The following TANC1 variants were observed in gnomAD, a reference collection of about 807,000 sequenced individuals.
The protein encoded by TANC1 is tetratricopeptide repeat, ankyrin repeat and coiled-coil containing 1, also known as protein TANC1.
In TANC1, 77 loss-of-function variants were observed where a neutral mutation model predicts 149.7. That is an observed-to-expected ratio of 0.51 (90% confidence interval 0.43 to 0.62). The LOEUF is 0.62. TANC1 is among the 20% of genes least tolerant of loss of function. The probability of loss-of-function intolerance (pLI) is 0.00; values close to 1 mark genes in which losing one functional copy is unlikely to be tolerated. For synonymous variants in TANC1, 854 were observed against 925.0 expected (o/e 0.92, Z 1.39); for missense variants, 1,985 against 2,321.8 (o/e 0.85, Z 2.98).
At chr2:159,094,548 A>G (rs2045884090) in intron 3 of TANC1, among the ~76,000 whole-genome samples, 1 of 152,168 alleles carries the variant, frequency 6.6e-6, no homozygotes, top group Admixed American at 6.5e-5. Context: ...CGCTGGCATC[A>G]TGGTGCAGCC....
At chr2:159,218,584 G>A (rs1005771909) in intron 20 of TANC1, among the ~76,000 whole-genome samples, 4 of 152,198 alleles carry the variant, frequency 2.6e-5, no homozygotes, top group East Asian at 3.8e-4. Context: ...GCTAAGCTAC[G>A]GGTGAAGCAG....
chr2:159,225,461 T>G, intron 23 of TANC1: 1 of 580,152 alleles, frequency 1.7e-6, no homozygotes, highest in Non-Finnish European at 3.1e-6. Flanking sequence ...ATGCCTTCGT[T>G]TCTCATTACT....
intron 4 of TANC1, among the ~76,000 whole-genome samples, chr2:159,108,863 ACTT>A (rs2047442798): frequency 6.6e-6 from 1 of 152,124 alleles, no homozygotes; most frequent in African/African-American, 2.4e-5. Context: ...TTTGGGAAAA[ACTT>A]CATTATTAGG....
chr2:159,138,631 A>G (rs569880561), intron 5 of TANC1, among the ~76,000 whole-genome samples: 19 of 152,314 alleles, frequency 1.2e-4, no homozygotes, highest in African/African-American at 4.6e-4. Flanking sequence ...TATCAGCATC[A>G]TCACTTAAGT....
At chr2:158,973,051 C>A (rs1413988135) in intron 1 of TANC1, among the ~76,000 whole-genome samples, 1 of 151,988 alleles carries the variant, frequency 6.6e-6, no homozygotes, top group African/African-American at 2.4e-5. Context: ...CTTTAGGTTC[C>A]CCTGCAGGTG....
At chr2:158,981,491 TTATATATATATATA>T (rs10602195) in intron 1 of TANC1, among the ~76,000 whole-genome samples, 930 of 34,314 alleles carry the variant, frequency 0.027, 10 homozygotes, top group African/African-American at 0.032. Flanking sequence ...TATATAGCTT[TTATATATATATATA>T]TATATATATA....
chr2:158,972,379 G>T (rs2033019569), intron 1 of TANC1, among the ~76,000 whole-genome samples: 1 of 152,138 alleles, frequency 6.6e-6, no homozygotes, highest in Non-Finnish European at 1.5e-5. Context: ...CTGATGGCTG[G>T]ATAAGTCTGA....
intron 2 of TANC1, among the ~76,000 whole-genome samples, chr2:159,019,852 C>T (rs958374719): frequency 2.6e-5 from 4 of 151,768 alleles, no homozygotes; most frequent in African/African-American, 9.7e-5. Context: ...AAACTCCTGG[C>T]TTCAGCCTCC....
chr2:159,174,535 G>T (rs2055632308), intron 11 of TANC1, among the ~76,000 whole-genome samples: 2 of 152,054 alleles, frequency 1.3e-5, no homozygotes, highest in African/African-American at 4.8e-5. Flanking sequence ...TCTGCCTTTT[G>T]GGATCAGCAA....
intron 1 of TANC1, among the ~76,000 whole-genome samples, chr2:158,993,160 T>A (rs1362875582): frequency 6.6e-6 from 1 of 152,202 alleles, no homozygotes; most frequent in Non-Finnish European, 1.5e-5. Flanking sequence ...GGAGTCAGAT[T>A]AAACGGTCAC....
chr2:159,190,058 G>A (rs34306895), intron 16 of TANC1, among the ~76,000 whole-genome samples: 35,403 of 152,138 alleles, frequency 0.23, 5,325 homozygotes, highest in Non-Finnish European at 0.35. Flanking sequence ...TCTTGTAAGG[G>A]ATTCATCATG....
intron 5 of TANC1, among the ~76,000 whole-genome samples, chr2:159,146,203 G>C (rs1056571541): frequency 2.6e-5 from 4 of 152,206 alleles, no homozygotes; most frequent in Non-Finnish European, 5.9e-5. Flanking sequence ...CCTTCTGCCA[G>C]AGTGAGAAGT....
intron 1 of TANC1, among the ~76,000 whole-genome samples, chr2:158,970,296 C>G (rs1306751640): frequency 6.6e-6 from 1 of 152,146 alleles, no homozygotes; most frequent in Non-Finnish European, 1.5e-5. Flanking sequence ...TTTATTCCTG[C>G]CAGGCTGGCA....
At chr2:159,179,402 A>G (rs2056228809) in intron 14 of TANC1, among the ~76,000 whole-genome samples, 1 of 152,038 alleles carries the variant, frequency 6.6e-6, no homozygotes, top group African/African-American at 2.4e-5. Context: ...CATGTGGATA[A>G]AAGAGAAGCT....
At chr2:159,188,668 A>G (rs1244904189) in intron 16 of TANC1, among the ~76,000 whole-genome samples, 1 of 152,246 alleles carries the variant, frequency 6.6e-6, no homozygotes, top group African/African-American at 2.4e-5. Context: ...GGAAGGACAC[A>G]TTTTAAAACA....
intron 5 of TANC1, among the ~76,000 whole-genome samples, chr2:159,143,087 CAAAACAAAAA>C (rs1301676807): frequency 1.5e-5 from 2 of 129,488 alleles, no homozygotes; most frequent in African/African-American, 5.3e-5. Context: ...AACAACAAAA[CAAAACAAAAA>C]AAAACAAAAA....
intron 17 of TANC1, among the ~76,000 whole-genome samples, chr2:159,195,519 A>G (rs1448072657): frequency 6.6e-6 from 1 of 152,186 alleles, no homozygotes; most frequent in East Asian, 1.9e-4. Context: ...TGCCTTTTGA[A>G]TAACAGTAGA....
At chr2:159,089,249 T>C (rs2045283151) in intron 3 of TANC1, among the ~76,000 whole-genome samples, 1 of 152,248 alleles carries the variant, frequency 6.6e-6, no homozygotes, top group African/African-American at 2.4e-5. Context: ...TTCTTTCCTT[T>C]TCTGGCAGTC....
At chr2:159,219,984 G>A (rs1178447874) in intron 22 of TANC1, 117 bp downstream of exon 22, 2 of 526,288 alleles carry the variant, frequency 3.8e-6, no homozygotes, top group South Asian at 5.7e-5. Context: ...GAGAGTGTGT[G>A]TGTGTGTGTG....
Sources: gnomAD v4.1 joint callset for allele counts (sites outside exome capture counted in the v4.1 genomes callset) on GRCh38, gnomAD v4.1.1 for gene constraint, MANE v1.5 for transcripts, NCBI Gene and HGNC (gene_info 2026-07-23, HGNC 2026-07-21) for gene names.